KCNQ5: variants seen among roughly 807,000 people sequenced by gnomAD.
KCNQ5 encodes potassium voltage-gated channel subfamily Q member 5, also known as potassium voltage-gated channel subfamily KQT member 5.
Under a neutral mutation model 98.2 loss-of-function variants are expected in KCNQ5, and 30 were observed. The ratio of observed to expected loss-of-function variants is 0.31; its 90% CI spans 0.23 to 0.41. The LOEUF (loss-of-function observed/expected upper bound fraction) is 0.41. KCNQ5 is among the 10% of genes least tolerant of loss of function. KCNQ5 has a pLI of 1.00. For missense variants in KCNQ5, 835 were observed against 1,182.5 expected, an observed-to-expected ratio of 0.71 and a Z score of 4.31; for synonymous variants, 458 against 449.4, an observed-to-expected ratio of 1.02 and a Z score of -0.24.
intron 1 of KCNQ5, among the ~76,000 whole-genome samples, chr6:72,754,149 C>T (rs1771835267): frequency 6.6e-6 from 1 of 152,036 alleles, no homozygotes; most frequent in Admixed American, 6.6e-5. Flanking sequence ...TGTGATGTTA[C>T]TTATAGGTTA....
intron 5 of KCNQ5, among the ~76,000 whole-genome samples, chr6:73,097,728 C>G (rs955401796): frequency 6.6e-6 from 1 of 152,158 alleles, no homozygotes; most frequent in East Asian, 1.9e-4. Flanking sequence ...GCCCAGTAAT[C>G]CAGAGAATTC....
chr6:73,170,977 G>C (rs1777992075), intron 11 of KCNQ5, among the ~76,000 whole-genome samples: 1 of 151,158 alleles, frequency 6.6e-6, no homozygotes, highest in African/African-American at 2.4e-5. Context: ...AACCAATTTA[G>C]CTATTCACAT....
chr6:73,110,740 A>G (rs1775209654), intron 6 of KCNQ5, among the ~76,000 whole-genome samples: 1 of 152,200 alleles, frequency 6.6e-6, no homozygotes, highest in Non-Finnish European at 1.5e-5. Context: ...ATAACATTAT[A>G]AAGAACTACA....
intron 1 of KCNQ5, among the ~76,000 whole-genome samples, chr6:72,841,549 C>T (rs1776792373): frequency 6.6e-6 from 1 of 152,142 alleles, no homozygotes. Context: ...TTTCTACATT[C>T]TTTCTCATGC....
At chr6:72,751,189 A>G (rs1347728908) in intron 1 of KCNQ5, among the ~76,000 whole-genome samples, 1 of 151,982 alleles carries the variant, frequency 6.6e-6, no homozygotes, top group Admixed American at 6.6e-5. Flanking sequence ...GGGATAGGCA[A>G]TTTTTTTATT....
intron 1 of KCNQ5, among the ~76,000 whole-genome samples, chr6:72,828,058 TG>T (rs1776077683): frequency 6.6e-6 from 1 of 152,102 alleles, no homozygotes; most frequent in Admixed American, 6.6e-5. Flanking sequence ...AATTAATTGT[TG>T]GGTTCTTTAT....
chr6:73,016,648 G>A (rs1770361332), intron 2 of KCNQ5, among the ~76,000 whole-genome samples: 1 of 152,060 alleles, frequency 6.6e-6, no homozygotes, highest in Non-Finnish European at 1.5e-5. Flanking sequence ...AGTTATTCAA[G>A]TAAAACACAA....
chr6:73,148,022 CAT>C (rs991101399), intron 10 of KCNQ5, among the ~76,000 whole-genome samples: 3 of 151,946 alleles, frequency 2.0e-5, no homozygotes, highest in Non-Finnish European at 4.4e-5. Context: ...GTATATATAA[CAT>C]ATGCAATTAA....
At chr6:73,138,535 A>C (rs7768173) in intron 10 of KCNQ5, among the ~76,000 whole-genome samples, 10,918 of 152,298 alleles carry the variant, frequency 0.072, 1,222 homozygotes, top group African/African-American at 0.24. Context: ...AGTAATTAGC[A>C]TGTTCGTTCC....
At chr6:72,800,351 T>C (rs561193699) in intron 1 of KCNQ5, among the ~76,000 whole-genome samples, 10 of 152,186 alleles carry the variant, frequency 6.6e-5, no homozygotes, top group Admixed American at 2.6e-4. Flanking sequence ...GGTTTAGTCT[T>C]GGGAGGGTGT....
chr6:73,038,471 A>G lies in KCNQ5; in HGVS notation c.490-3465A>G, dbSNP rs1157118255. 2.6e-5 allele frequency among the ~76,000 whole-genome samples: 4 copies of G among 152,054 alleles called. No homozygotes were observed. The East Asian group carries it at 7.7e-4, about 29-fold the overall frequency. On this transcript the variant is annotated intron_variant, in intron 2 of 13. Coordinates refer to ENST00000370398, the MANE Select transcript of KCNQ5 (RefSeq NM_019842.4). ...TTCTTAATGTTGGGGAAAAGCATTC[A>G]GTCTTTCACTATTAAGTATGATGTT... is the stretch of plus-strand genomic sequence containing the variant.
chr6:73,078,100 AG>A (rs1274664014), intron 5 of KCNQ5, among the ~76,000 whole-genome samples: 1 of 151,576 alleles, frequency 6.6e-6, no homozygotes, highest in African/African-American at 2.4e-5. Context: ...ATATTTCTTG[AG>A]TGCTAGATTG....
intron 1 of KCNQ5, among the ~76,000 whole-genome samples, chr6:72,900,943 ATCT>A (rs1207106169): frequency 6.6e-6 from 1 of 151,990 alleles, no homozygotes; most frequent in African/African-American, 2.4e-5. Flanking sequence ...CCATTTGTAT[ATCT>A]TCTTTTGAGA....
chr6:73,163,959 C>T (rs964602837), intron 10 of KCNQ5, among the ~76,000 whole-genome samples: 1 of 152,118 alleles, frequency 6.6e-6, no homozygotes, highest in African/African-American at 2.4e-5. Flanking sequence ...CACTGTCACT[C>T]ACTGATTAAC....
Position 73,163,122 on chromosome 6 carries a change from G to T in KCNQ5, c.1469-6624G>T, listed in dbSNP as rs560472985. On this transcript the variant is annotated intron_variant, in intron 10 of 13. Transcript: ENST00000370398. ...AAAATGTGTCAGACCAGACTCAGTG[G>T]CTCACACCTGTAATTCCACAATTTG... Among the ~76,000 whole-genome samples, 10 of 152,284 alleles carry T rather than the reference G, an allele frequency of 6.6e-5. No individual in the cohort carries two copies. The South Asian group carries it at 2.1e-3, about 32-fold the overall frequency.
At chr6:72,824,427 T>C (rs1201293151) in intron 1 of KCNQ5, among the ~76,000 whole-genome samples, 1 of 152,192 alleles carries the variant, frequency 6.6e-6, no homozygotes, top group Non-Finnish European at 1.5e-5. Flanking sequence ...TATGTGTTCT[T>C]TTAAGAACTG....
At chr6:72,967,508 A>G (rs1291313248) in intron 1 of KCNQ5, among the ~76,000 whole-genome samples, 1 of 152,110 alleles carries the variant, frequency 6.6e-6, no homozygotes, top group African/African-American at 2.4e-5. Context: ...TCCTTCAACC[A>G]TATGATGCAA....
intron 1 of KCNQ5, among the ~76,000 whole-genome samples, chr6:72,793,916 C>T (rs990423718): frequency 6.6e-6 from 1 of 152,166 alleles, no homozygotes; most frequent in Admixed American, 6.5e-5. Flanking sequence ...ACACTGGGAG[C>T]TGACTGCTTG....
chr6:72,898,803 G>C (rs148751496), intron 1 of KCNQ5, among the ~76,000 whole-genome samples: 12 of 152,174 alleles, frequency 7.9e-5, no homozygotes, highest in Admixed American at 7.9e-4. Flanking sequence ...AGTGTAAAAG[G>C]GTTCCTATTT....
Sources: allele counts gnomAD v4.1 joint callset (sites outside exome capture counted in the v4.1 genomes callset), GRCh38; gene constraint gnomAD v4.1.1; transcripts MANE v1.5; gene names NCBI Gene and HGNC (gene_info 2026-07-23, HGNC 2026-07-21).